The following MAGI1 variants were observed in gnomAD, a reference collection of about 807,000 sequenced individuals.
MAGI1 encodes the protein membrane-associated guanylate kinase, WW and PDZ domain-containing protein 1.
A neutral mutation model predicts 139.9 loss-of-function variants in MAGI1; 58 were observed. The observed-to-expected ratio is 0.41, with a 90% CI of 0.34 to 0.52. The LOEUF (loss-of-function observed/expected upper bound fraction) is 0.52. Among genes scored for constraint, MAGI1 ranks in the 20% least tolerant of loss-of-function variants. MAGI1 has a pLI of 0.12. For missense variants in MAGI1, 1,874 were observed against 1,901.6 expected, an observed-to-expected ratio of 0.99 and a Z score of 0.27; for synonymous variants, 812 against 737.9, an observed-to-expected ratio of 1.10 and a Z score of -1.63.
chr3:65,989,042 A>G (rs2066030265), intron 1 of MAGI1, among the ~76,000 whole-genome samples: 1 of 152,218 alleles, frequency 6.6e-6, no homozygotes, highest in Non-Finnish European at 1.5e-5. Context: ...TCAAGTTAAT[A>G]AGTCGAAGGA....
At chr3:65,994,880 T>G (rs1367908779) in intron 1 of MAGI1, among the ~76,000 whole-genome samples, 7 of 152,222 alleles carry the variant, frequency 4.6e-5, no homozygotes, top group East Asian at 1.9e-4. Flanking sequence ...CATCAATGAA[T>G]GAACAAACTT....
chr3:65,993,739 C>A (rs2066296618), intron 1 of MAGI1, among the ~76,000 whole-genome samples: 1 of 152,150 alleles, frequency 6.6e-6, no homozygotes, highest in Admixed American at 6.5e-5. Flanking sequence ...TAAGCATTAC[C>A]TGTAGCTAAT....
chr3:65,487,995 T>A (rs1387992914), intron 3 of MAGI1, among the ~76,000 whole-genome samples: 1 of 152,226 alleles, frequency 6.6e-6, no homozygotes, highest in Non-Finnish European at 1.5e-5. Context: ...CTGGCTGCCA[T>A]AATGGACAGT....
chr3:65,835,177 G>A (rs542885871), intron 1 of MAGI1, among the ~76,000 whole-genome samples: 7 of 151,712 alleles, frequency 4.6e-5, no homozygotes, highest in South Asian at 2.1e-4. Flanking sequence ...CTTTTTCTAC[G>A]TTGTTCTGGG....
chr3:65,823,562 A>G (rs948083709), intron 1 of MAGI1, among the ~76,000 whole-genome samples: 1 of 152,180 alleles, frequency 6.6e-6, no homozygotes, highest in Non-Finnish European at 1.5e-5. Flanking sequence ...TGACACACAC[A>G]TTGCATACAC....
chr3:65,520,355 A>G (rs2078097028), intron 2 of MAGI1, among the ~76,000 whole-genome samples: 1 of 152,210 alleles, frequency 6.6e-6, no homozygotes, highest in African/African-American at 2.4e-5. Context: ...TAATATGGTT[A>G]AGAACTTGGG....
intron 1 of MAGI1, among the ~76,000 whole-genome samples, chr3:65,732,691 T>G (rs1413746737): frequency 6.6e-6 from 1 of 152,202 alleles, no homozygotes; most frequent in African/African-American, 2.4e-5. Context: ...ATAACAAAAT[T>G]ATGCAAAAAT....
Position 65,379,440 on chromosome 3 carries a change from T to C in MAGI1, c.2816A>G (p.Asn939Ser), listed in dbSNP as rs1262861100. The C allele has an allele frequency of 6.2e-7, 1 of 1,613,956 alleles. No individual in the cohort carries two copies. The highest frequency in any genetic ancestry group is 1.1e-5 in the South Asian group (1 of 91,082). The change falls in exon 17 of 23, where the codon AAC (asparagine) becomes AGC (serine). Residue 939 changes from asparagine to serine, a missense_variant. Physicochemically the swap from Asn to Ser is conservative, Grantham distance 46 (BLOSUM62 1). Around this residue, in one of 5 missense-constraint regions of MAGI1, gnomAD observed 482 missense variants for 509.6 expected, o/e 0.95. Coordinates refer to ENST00000402939, the MANE Select transcript of MAGI1 (RefSeq NM_001033057.2). ...RTPQGSQNSL[N>S]TVSSGSGSTS... ...GCTGCCGCTGCCCGAGCTCACCGTG[T>C]TCAGCGAGTTCTGGCTGCCCTGCGG... is the stretch of plus-strand genomic sequence containing the variant.
At chr3:65,359,126 A>T in intron 22 of MAGI1, 1 of 1,614,098 alleles carries the variant, frequency 6.2e-7, no homozygotes, top group Non-Finnish European at 8.5e-7. Context: ...TTTCTCATAC[A>T]TGCAGCGATA....
chr3:66,026,888 G>A (rs550740063), intron 1 of MAGI1, among the ~76,000 whole-genome samples: 43 of 151,704 alleles, frequency 2.8e-4, no homozygotes, highest in African/African-American at 8.0e-4. Flanking sequence ...GCCTAAGACC[G>A]GTGTCTCTAC....
chr3:65,525,137 T>C (rs1001579010), intron 2 of MAGI1, among the ~76,000 whole-genome samples: 3 of 152,128 alleles, frequency 2.0e-5, no homozygotes, highest in African/African-American at 7.2e-5. Flanking sequence ...CATCTCCCTA[T>C]AATGCACCCA....
intron 1 of MAGI1, among the ~76,000 whole-genome samples, chr3:65,949,703 T>G (rs980735206): frequency 6.6e-6 from 1 of 152,168 alleles, no homozygotes; most frequent in African/African-American, 2.4e-5. Context: ...AACCTCCACA[T>G]CTATCTAAAT....
intron 10 of MAGI1, among the ~76,000 whole-genome samples, chr3:65,433,112 G>A (rs79791321): frequency 0.02 from 3,066 of 152,158 alleles, 109 homozygotes; most frequent in African/African-American, 0.07. Flanking sequence ...ATTTTTATAC[G>A]TATATCAAGT....
At chr3:65,624,534 C>G (rs1408447035) in intron 1 of MAGI1, among the ~76,000 whole-genome samples, 1 of 152,186 alleles carries the variant, frequency 6.6e-6, no homozygotes, top group African/African-American at 2.4e-5. Context: ...TAAAATATTG[C>G]ATGATTTCAT....
chr3:65,364,156 C>T, intron 20 of MAGI1, among the ~76,000 whole-genome samples: 1 of 144,622 alleles, frequency 6.9e-6, no homozygotes, highest in South Asian at 2.3e-4. Flanking sequence ...CAGTGAGACC[C>T]CTGTCTCTTA....
chr3:65,802,913 T>C (rs2040609227), intron 1 of MAGI1, among the ~76,000 whole-genome samples: 1 of 149,648 alleles, frequency 6.7e-6, no homozygotes, highest in African/African-American at 2.5e-5. Context: ...ATCTAACTCA[T>C]CTATGGTGAA....
rs1436595078 is a variant in MAGI1, at chr3:65,994,640, A to G, written c.313+43356T>C. On this transcript the variant is annotated intron_variant, in intron 1 of 22. Transcript: ENST00000402939. ...CAGGGAATGCAGTATCTTCTGTCTCAGCTCCCTGAGCTATCTGTTGGGGTG... is the reference window on the plus strand; with the variant it reads ...CAGGGAATGCAGTATCTTCTGTCTCGGCTCCCTGAGCTATCTGTTGGGGTG... Among the ~76,000 whole-genome samples the G allele has an allele frequency of 4.6e-5, 7 of 152,196 alleles. No homozygotes were observed. In the East Asian group the frequency reaches 7.7e-4, roughly 17 times the overall value.
At chr3:65,721,640 G>A (rs1206021004) in intron 1 of MAGI1, among the ~76,000 whole-genome samples, 1 of 152,138 alleles carries the variant, frequency 6.6e-6, no homozygotes, top group Non-Finnish European at 1.5e-5. Flanking sequence ...GGATGCCTCT[G>A]GGTGTTGGGA....
chr3:65,567,982 T>C (rs1235759186), intron 2 of MAGI1, among the ~76,000 whole-genome samples: 1 of 152,226 alleles, frequency 6.6e-6, no homozygotes, highest in African/African-American at 2.4e-5. Context: ...AAATGTTTCC[T>C]TCAAAGGGAT....
Sources: gnomAD v4.1 joint callset for allele counts (sites outside exome capture counted in the v4.1 genomes callset) on GRCh38, gnomAD v4.1.1 for gene constraint, gnomAD v4.1.1 regional missense constraint, MANE v1.5 for transcripts, NCBI Gene and HGNC (gene_info 2026-07-23, HGNC 2026-07-21) for gene names.